PCLO: variants seen among roughly 807,000 people sequenced by gnomAD.
PCLO encodes the protein protein piccolo.
A neutral mutation model predicts 427.5 loss-of-function variants in PCLO; 82 were observed. That is an observed-to-expected ratio of 0.19 (90% CI 0.16 to 0.23). The LOEUF is 0.23. Ranked by LOEUF, PCLO falls within the 10% of genes least tolerant of loss-of-function variation. PCLO has a pLI of 1.00. For missense variants in PCLO, 6,239 were observed against 6,115.9 expected, an observed-to-expected ratio of 1.02 and a Z score of -0.67; for synonymous variants, 2,357 against 2,155.4, an observed-to-expected ratio of 1.09 and a Z score of -2.59.
intron 3 of PCLO, among the ~76,000 whole-genome samples, chr7:83,094,675 G>A (rs990568596): frequency 9.2e-5 from 14 of 152,054 alleles, no homozygotes; most frequent in East Asian, 5.8e-4. Flanking sequence ...GGTCTATTAC[G>A]AGAAAAAAAG....
At chr7:82,999,824 TATA>T (rs1218232663) in intron 3 of PCLO, among the ~76,000 whole-genome samples, 13 of 108,470 alleles carry the variant, frequency 1.2e-4, no homozygotes, top group Non-Finnish European at 2.1e-4. Context: ...AAATATAATA[TATA>T]ATATTAAATA....
chr7:83,127,660 C>G (rs1791471975), intron 3 of PCLO, among the ~76,000 whole-genome samples: 1 of 152,044 alleles, frequency 6.6e-6, no homozygotes, highest in Non-Finnish European at 1.5e-5. Context: ...CTGCATTTCT[C>G]AGTCTTCTGG....
intron 3 of PCLO, among the ~76,000 whole-genome samples, chr7:83,121,941 A>T (rs879697904): frequency 1.3e-5 from 2 of 152,192 alleles, no homozygotes; most frequent in Non-Finnish European, 2.9e-5. Flanking sequence ...CCAACAACAC[A>T]TTAAAAAAAT....
intron 4 of PCLO, among the ~76,000 whole-genome samples, chr7:82,960,619 AAATTTAAAAATGTGTATGT>A: frequency 6.6e-6 from 1 of 152,314 alleles, no homozygotes; most frequent in Admixed American, 6.5e-5. Flanking sequence ...ATTAAACTAA[AAATTTAAAAATGTGTATGT>A]AATTTTCAAA....
At chr7:83,140,462 C>T (rs1189789200) in intron 2 of PCLO, among the ~76,000 whole-genome samples, 8 of 152,110 alleles carry the variant, frequency 5.3e-5, no homozygotes, top group African/African-American at 1.9e-4. Context: ...GCCTGTATCT[C>T]CCCAGACTCA....
intron 3 of PCLO, among the ~76,000 whole-genome samples, chr7:82,980,193 G>A (rs1425504690): frequency 1.3e-5 from 2 of 152,142 alleles, no homozygotes; most frequent in African/African-American, 4.8e-5. Context: ...TGAAAAGTGA[G>A]GATGTGGGGC....
chr7:83,091,103 A>G lies in PCLO; in HGVS notation c.3300+43147T>C, dbSNP rs544303313. Among the ~76,000 whole-genome samples the G allele has an allele frequency of 2.0e-5, 3 of 152,284 alleles. No individual in the cohort carries two copies. In the East Asian group the frequency reaches 5.8e-4, roughly 29 times the overall value. ...TTAATCAGCTTTTTTAAAAACATAG[A>G]GCCTTCTCCCACTTCCACTCACTGA... On this transcript the variant is annotated intron_variant, in intron 3 of 24. Coordinates refer to ENST00000333891, the MANE Select transcript of PCLO (RefSeq NM_033026.6).
chr7:82,843,371 G>A (rs1220143681), intron 13 of PCLO, among the ~76,000 whole-genome samples: 1 of 152,054 alleles, frequency 6.6e-6, no homozygotes, highest in Non-Finnish European at 1.5e-5. Context: ...TAGAAGCATA[G>A]AGAAGAATGG....
intron 6 of PCLO, among the ~76,000 whole-genome samples, chr7:82,927,432 AG>A (rs1271065444): frequency 6.6e-6 from 1 of 152,134 alleles, no homozygotes; most frequent in Non-Finnish European, 1.5e-5. Flanking sequence ...TTGAATTTTC[AG>A]TCTGGAGCCT....
At chr7:83,069,730 C>T (rs187976696) in intron 3 of PCLO, among the ~76,000 whole-genome samples, 234 of 151,622 alleles carry the variant, frequency 1.5e-3, no homozygotes, top group African/African-American at 5.4e-3. Flanking sequence ...ATAAATGTCA[C>T]TCTTTATATT....
chr7:82,953,241 C>A lies in PCLO; in HGVS notation c.7712G>T (p.Arg2571Ile), dbSNP rs1320551882. The A allele has an allele frequency of 6.2e-7, 1 of 1,613,744 alleles. No individual in the cohort carries two copies. Among genetic ancestry groups the A allele is most frequent in the African/African-American group, 1.3e-5 (1 of 74,892 alleles). Reference protein sequence around the residue: ...LSPHSNKSSPRFSKSLTETYV... With the variant: ...LSPHSNKSSPIFSKSLTETYV... The stretch of plus-strand genomic sequence containing the variant: ...AGTTTCTGTGAGGGATTTGGAAAAT[C>A]TTGGTGAAGACTTGTTGGAGTGTGG... The change falls in exon 5 of 25, where the codon AGA becomes ATA. Residue 2571 changes from arginine (R) to isoleucine (I), a missense_variant. By Grantham distance (97) the Arg-to-Ile change is moderately conservative. Transcript: ENST00000333891.
chr7:82,766,742 G>T (rs180982069), intron 22 of PCLO, among the ~76,000 whole-genome samples: 24 of 152,104 alleles, frequency 1.6e-4, no homozygotes, highest in African/African-American at 5.5e-4. Context: ...GTTGTTTTTC[G>T]CCTTCTCACT....
chr7:82,972,243 A>C (rs985300205), intron 3 of PCLO, among the ~76,000 whole-genome samples: 3 of 151,982 alleles, frequency 2.0e-5, no homozygotes, highest in Non-Finnish European at 4.4e-5. Context: ...GTGTTCAAAA[A>C]ATCCATTCAT....
intron 8 of PCLO, among the ~76,000 whole-genome samples, chr7:82,905,076 G>C: frequency 6.6e-6 from 1 of 152,010 alleles, no homozygotes; most frequent in Admixed American, 6.6e-5. Context: ...TGTTGCTAAC[G>C]CCAAATAAGA....
chr7:82,788,625 C>G (rs1231836080), intron 22 of PCLO, among the ~76,000 whole-genome samples: 3 of 151,936 alleles, frequency 2.0e-5, no homozygotes, highest in Non-Finnish European at 2.9e-5. Flanking sequence ...ACTAATTCTC[C>G]TACTATTTTC....
At position 82,955,786 on chromosome 7, in the gene PCLO, A is replaced by G. The variant is rs1272715245; in HGVS notation, c.5167T>C (p.Ser1723Pro). 1.2e-6 allele frequency: 2 copies of G among 1,613,808 alleles called. No homozygotes were observed. The highest frequency in any genetic ancestry group is 1.7e-6 in the Non-Finnish European group (2 of 1,179,874). ...GGGGATGTACCAGGAGTGAAGCTGG[A>G]AGCATGCAGACTCGAAGATCCCTCT... ...RGEGSSSLHASSFTPGTSPTS... is the reference protein window; with the variant it reads ...RGEGSSSLHAPSFTPGTSPTS... The change falls in exon 5 of 25, where the codon TCC (serine) becomes CCC (proline). Residue 1723 changes from serine (S) to proline (P), a missense_variant. Around this residue, in one of 5 missense-constraint regions of PCLO, gnomAD observed 4,677 missense variants for 4,468.4 expected, o/e 1.05. Coordinates refer to ENST00000333891, the MANE Select transcript of PCLO (RefSeq NM_033026.6).
intron 22 of PCLO, among the ~76,000 whole-genome samples, chr7:82,776,860 GT>G (rs1790763746): frequency 6.8e-6 from 1 of 147,956 alleles, no homozygotes; most frequent in South Asian, 2.1e-4. Context: ...ACACATATAT[GT>G]ATATGTATAG....
intron 14 of PCLO, 71 bp from the exon 15 acceptor site, chr7:82,838,413 G>A (rs553809267): frequency 2.3e-6 from 2 of 886,086 alleles, no homozygotes; most frequent in Non-Finnish European, 3.2e-6. Flanking sequence ...ATATTTACTA[G>A]TTTTTTTTAA....
chr7:82,961,421 T>A (rs534607439), intron 4 of PCLO, among the ~76,000 whole-genome samples: 1 of 152,262 alleles, frequency 6.6e-6, no homozygotes, highest in Non-Finnish European at 1.5e-5. Context: ...TTTCTCCCCA[T>A]GGGGAATGTT....
Sources: allele counts gnomAD v4.1 joint callset (sites outside exome capture counted in the v4.1 genomes callset), GRCh38; gene constraint gnomAD v4.1.1; regional missense constraint gnomAD v4.1.1; transcripts MANE v1.5; gene names NCBI Gene and HGNC (gene_info 2026-07-23, HGNC 2026-07-21).